The following CNKSR2 variants were observed in gnomAD, a reference collection of about 807,000 sequenced individuals.
CNKSR2 encodes CNK homolog protein 2.
In CNKSR2, 14 loss-of-function variants were observed where a neutral mutation model predicts 84.4. The observed-to-expected ratio is 0.17, with a 90% confidence interval of 0.11 to 0.26. The LOEUF is 0.26. Ranked by LOEUF, CNKSR2 falls within the 10% of genes least tolerant of loss-of-function variation. The pLI, the probability that CNKSR2 is intolerant of heterozygous loss-of-function variation, is 1.00. For synonymous variants in CNKSR2, 275 were observed against 277.9 expected (o/e 0.99, Z 0.10); for missense variants, 485 against 771.2 (o/e 0.63, Z 4.40).
rs138982878 is a variant in CNKSR2, at chrX:21,652,399, G to A, written c.2983G>A (p.Asp995Asn). 3.0e-3 allele frequency: 3,609 copies of A among 1,206,809 alleles called. 59 individuals carry two copies. In the African/African-American group the frequency reaches 0.047, roughly 16 times the overall value. Residue 995 changes from aspartate to asparagine, a missense_variant, in exon 22 of 22, where the codon GAC becomes AAC. Around this residue, in one of 5 missense-constraint regions of CNKSR2, gnomAD observed 210 missense variants for 291.5 expected, o/e 0.72. Transcript: ENST00000379510. Reference sequence around the variant, plus strand: ...CCAACAATGGAAGCAGATGTACCTCGACCTTTTCTTGGATATCTGTCAAAA... The same window carrying A: ...CCAACAATGGAAGCAGATGTACCTCAACCTTTTCTTGGATATCTGTCAAAA... Reference protein sequence around the residue: ...EFQQWKQMYLDLFLDICQNTT... With the variant: ...EFQQWKQMYLNLFLDICQNTT...
chrX:21,561,912 C>T (rs1396371877), intron 12 of CNKSR2, among the ~76,000 whole-genome samples: 1 of 110,159 alleles, frequency 9.1e-6, no homozygotes, highest in Non-Finnish European at 1.9e-5. Context: ...CATCGGTCTG[C>T]AATGCAACCT....
intron 1 of CNKSR2, among the ~76,000 whole-genome samples, chrX:21,403,040 A>C (rs770516640): frequency 9.0e-6 from 1 of 111,472 alleles, no homozygotes; most frequent in African/African-American, 3.3e-5. Flanking sequence ...TGCAGCTTAC[A>C]CAAGAATAGC....
chrX:21,462,714 ATT>A (rs765249371), intron 4 of CNKSR2, among the ~76,000 whole-genome samples: 10 of 92,111 alleles, frequency 1.1e-4, no homozygotes, highest in Non-Finnish European at 1.3e-4. Context: ...TATACCCAGT[ATT>A]TTTTTTTTTT....
At position 21,531,849 on chromosome X, in the gene CNKSR2, T is replaced by G; in HGVS notation, c.1092-7T>G. 3 of 1,180,123 alleles carry G rather than the reference T, an allele frequency of 2.5e-6. No individual in the cohort carries two copies. Among genetic ancestry groups the G allele is most frequent in the Non-Finnish European group, 3.5e-6 (3 of 869,371 alleles). On this transcript the variant is annotated splice_region_variant and splice_polypyrimidine_tract_variant and intron_variant, in intron 10 of 21. Transcript: ENST00000379510. The stretch of plus-strand genomic sequence containing the variant: ...ACATCTTCTCCTTTACTCTAACCTT[T>G]CTTTAGGGATGAAAAAGGAAACCTT...
At chrX:21,555,433 C>T (rs935310208) in intron 11 of CNKSR2, among the ~76,000 whole-genome samples, 6 of 111,538 alleles carry the variant, frequency 5.4e-5, no homozygotes, top group African/African-American at 2.0e-4. Flanking sequence ...TCTTATTTTA[C>T]TGGATCCAGA....
chrX:21,439,659 TAAATTTGG>T (rs959549294), intron 3 of CNKSR2, among the ~76,000 whole-genome samples: 9 of 110,591 alleles, frequency 8.1e-5, no homozygotes, highest in Non-Finnish European at 7.6e-5. Context: ...ACTTCACATA[TAAATTTGG>T]CAGCTCAGAT....
chrX:21,458,942 A>G (rs772201712), intron 4 of CNKSR2, among the ~76,000 whole-genome samples: 3 of 108,335 alleles, frequency 2.8e-5, no homozygotes, highest in East Asian at 2.9e-4. Context: ...GGCCAATACT[A>G]TATCACAGTA....
intron 7 of CNKSR2, among the ~76,000 whole-genome samples, chrX:21,499,623 C>A (rs1440087311): frequency 1.8e-5 from 2 of 110,754 alleles, no homozygotes; most frequent in East Asian, 5.7e-4. Context: ...ATTAATAGTT[C>A]ATCTTTTGAT....
chrX:21,580,990 A>G (rs1396886158), intron 13 of CNKSR2, among the ~76,000 whole-genome samples: 2 of 111,698 alleles, frequency 1.8e-5, no homozygotes, highest in East Asian at 5.6e-4. Context: ...GTGCAAATCT[A>G]TGTTAATTGT....
chrX:21,620,022 T>G (rs2147300945), intron 20 of CNKSR2, among the ~76,000 whole-genome samples: 1 of 111,202 alleles, frequency 9.0e-6, no homozygotes, highest in Non-Finnish European at 1.9e-5. Context: ...TTCTCTTTAT[T>G]TAGCATCTTG....
At chrX:21,479,253 A>G (rs1188442386) in intron 5 of CNKSR2, among the ~76,000 whole-genome samples, 1 of 111,417 alleles carries the variant, frequency 9.0e-6, no homozygotes, top group African/African-American at 3.3e-5. Context: ...TATACTTCTT[A>G]TGGCTCAGTA....
At chrX:21,393,637 T>G (rs2090081594) in intron 1 of CNKSR2, among the ~76,000 whole-genome samples, 1 of 112,370 alleles carries the variant, frequency 8.9e-6, no homozygotes, top group South Asian at 3.7e-4. Flanking sequence ...CGACAGAATG[T>G]TAGAAGCAAA....
At chrX:21,439,278 G>C (rs2090751284) in intron 3 of CNKSR2, among the ~76,000 whole-genome samples, 2 of 111,166 alleles carry the variant, frequency 1.8e-5, no homozygotes, top group Non-Finnish European at 3.8e-5. Flanking sequence ...CAACGGTCAA[G>C]TCTCATGGAA....
At chrX:21,416,187 CA>C (rs1315835065) in intron 1 of CNKSR2, among the ~76,000 whole-genome samples, 1 of 111,770 alleles carries the variant, frequency 8.9e-6, no homozygotes, top group Non-Finnish European at 1.9e-5. Flanking sequence ...TTTTCAGCAT[CA>C]AATGAAATGA....
chrX:21,619,192 G>A (rs1370485613), intron 20 of CNKSR2, among the ~76,000 whole-genome samples: 1 of 112,258 alleles, frequency 8.9e-6, no homozygotes, highest in East Asian at 2.8e-4. Context: ...TTACCCAGTT[G>A]TACTGATTAA....
intron 11 of CNKSR2, among the ~76,000 whole-genome samples, chrX:21,536,362 TG>T: frequency 9.0e-6 from 1 of 111,525 alleles, no homozygotes; most frequent in Admixed American, 9.5e-5. Flanking sequence ...AGTAGGCTAC[TG>T]CTGGCCTCAT....
chrX:21,644,955 G>A (rs1215716853), intron 20 of CNKSR2: 1 of 111,922 alleles, frequency 8.9e-6, no homozygotes, highest in African/African-American at 3.2e-5. Flanking sequence ...AAGACTTTTT[G>A]GTATTTGAGA....
chrX:21,615,926 A>G (rs1475658496), intron 20 of CNKSR2, among the ~76,000 whole-genome samples: 1 of 111,812 alleles, frequency 8.9e-6, no homozygotes, highest in Non-Finnish European at 1.9e-5. Context: ...GTAAAATAGA[A>G]ATGTTCCTCA....
chrX:21,548,858 G>A (rs1010939675), intron 11 of CNKSR2, among the ~76,000 whole-genome samples: 2 of 111,996 alleles, frequency 1.8e-5, no homozygotes, highest in Non-Finnish European at 3.8e-5. Context: ...AAGGCCTCCA[G>A]TAAAATTCAG....
Sources: gnomAD v4.1 joint callset for allele counts (sites outside exome capture counted in the v4.1 genomes callset) on GRCh38, gnomAD v4.1.1 for gene constraint, gnomAD v4.1.1 regional missense constraint, MANE v1.5 for transcripts, NCBI Gene and HGNC (gene_info 2026-07-23, HGNC 2026-07-21) for gene names.